Variants in DSG3 observed in about 807,000 individuals in gnomAD.
DSG3 encodes the protein desmoglein 3.
DSG3 carries 63 observed loss-of-function variants against 85.9 expected under a neutral mutation model. The ratio of observed to expected loss-of-function variants is 0.73; its 90% CI spans 0.60 to 0.90. The LOEUF (loss-of-function observed/expected upper bound fraction) is 0.90. DSG3 is among the 40% of genes least tolerant of loss of function. The pLI, the probability that DSG3 is intolerant of heterozygous loss-of-function variation, is 0.00. For missense variants in DSG3, 1,220 were observed against 1,219.9 expected, an observed-to-expected ratio of 1.00 and a Z score of 0.00; for synonymous variants, 447 against 441.9, an observed-to-expected ratio of 1.01 and a Z score of -0.14.
intron 3 of DSG3, 64 bp from the exon 4 acceptor site, chr18:31,458,381 G>C (rs2072762241): frequency 6.6e-7 from 1 of 1,517,120 alleles, no homozygotes; most frequent in Non-Finnish European, 9.0e-7. Context: ...CTATGGAAGT[G>C]GGGGTGGAGA....
At position 31,461,284 on chromosome 18, in the gene DSG3, A is replaced by G. The variant is rs1396435888; in HGVS notation, c.871A>G (p.Thr291Ala). ...LSSELLRFQVTDLDEEYTDNW... is the reference protein window; with the variant it reads ...LSSELLRFQVADLDEEYTDNW... ...TTCTGAATTACTTCGATTTCAAGTA[A>G]CAGATTTGGATGAAGAGTACACAGA... The change falls in exon 8 of 16, where the codon ACA becomes GCA. Residue 291 changes from threonine (T) to alanine (A), a missense_variant. Thr to Ala is a moderately conservative substitution (Grantham distance 58). Coordinates refer to ENST00000257189, the MANE Select transcript of DSG3 (RefSeq NM_001944.3). The G allele has an allele frequency of 2.5e-6, 4 of 1,613,516 alleles. No homozygotes were observed. In the African/African-American group the frequency reaches 5.3e-5, roughly 22 times the overall value.
intron 11 of DSG3, 102 bp downstream of exon 11, chr18:31,466,856 G>A (rs1264873479): frequency 9.8e-7 from 1 of 1,020,568 alleles, no homozygotes; most frequent in African/African-American, 1.6e-5. Flanking sequence ...AAAAGTAACT[G>A]GAAAAATTCT....
intron 1 of DSG3, among the ~76,000 whole-genome samples, chr18:31,455,242 C>T (rs2072735063): frequency 6.6e-6 from 1 of 151,838 alleles, no homozygotes; most frequent in Non-Finnish European, 1.5e-5. Context: ...CTAGGAGTAG[C>T]AGCTGATACC....
intron 1 of DSG3, among the ~76,000 whole-genome samples, chr18:31,454,419 A>G (rs776149384): frequency 8.5e-5 from 13 of 152,202 alleles, no homozygotes; most frequent in Non-Finnish European, 1.6e-4. Flanking sequence ...TTATAACCAC[A>G]AGTAATGGTT....
Position 31,464,528 on chromosome 18 carries a change from T to A in DSG3, c.1271+146T>A, listed in dbSNP as rs148286851. 3.5e-4 allele frequency: 296 copies of A among 847,584 alleles called. 2 individuals are homozygous for A. The East Asian group carries it at 6.6e-3, about 19-fold the overall frequency. 52.5% of individuals were successfully genotyped at this position (847,584 alleles called of 1,614,324 possible). ...AAACTGGGTAACTCAAAAAGTAACA[T>A]TTAGCTAAATCATTAGGTGATCATC... is the stretch of plus-strand genomic sequence containing the variant. On this transcript the variant is annotated intron_variant, in intron 9 of 15. Coordinates refer to ENST00000257189, the MANE Select transcript of DSG3 (RefSeq NM_001944.3).
chr18:31,456,376 C>A (rs1004871031), intron 1 of DSG3, 64 bp from the exon 2 acceptor site: 2 of 972,270 alleles, frequency 2.1e-6, no homozygotes, highest in Non-Finnish European at 2.8e-6. Flanking sequence ...CAGGATTATT[C>A]ATTGTATATA....
intron 1 of DSG3, among the ~76,000 whole-genome samples, chr18:31,449,134 T>C (rs1390143181): frequency 6.6e-6 from 1 of 152,176 alleles, no homozygotes; most frequent in East Asian, 1.9e-4. Flanking sequence ...CTAGCCTCAA[T>C]GGATCCGTCC....
At chr18:31,453,856 C>A (rs962467122) in intron 1 of DSG3, among the ~76,000 whole-genome samples, 2 of 151,950 alleles carry the variant, frequency 1.3e-5, no homozygotes, top group African/African-American at 4.8e-5. Flanking sequence ...TTGATTTAGT[C>A]ATTCCACAGT....
chr18:31,476,852 G>C lies in DSG3; in HGVS notation c.*592G>C, dbSNP rs1039523124. ...CGGGCGCCTGTAGTCCCAGCTACTC[G>C]GGAGGCTGAGGCAGGAGAATGGCAT... On this transcript the variant is annotated 3_prime_UTR_variant, in exon 16 of 16. Coordinates refer to ENST00000257189, the MANE Select transcript of DSG3 (RefSeq NM_001944.3). The C allele has an allele frequency of 6.6e-6, 1 of 151,940 alleles. No individual in the cohort carries two copies. The highest frequency in any genetic ancestry group is 6.6e-5 in the Admixed American group (1 of 15,256). 9.4% of individuals were successfully genotyped at this position (151,940 alleles called of 1,614,324 possible).
intron 8 of DSG3, among the ~76,000 whole-genome samples, chr18:31,463,699 A>G (rs1157084895): frequency 6.6e-6 from 1 of 152,174 alleles, no homozygotes; most frequent in Non-Finnish European, 1.5e-5. Flanking sequence ...TTCAGTCCTC[A>G]CTACACCCTG....
At chr18:31,464,455 A>C (rs2072804789) in intron 9 of DSG3, 73 bp downstream of exon 9, 1 of 1,445,598 alleles carries the variant, frequency 6.9e-7, no homozygotes, top group African/African-American at 1.4e-5. Flanking sequence ...CATAACACAT[A>C]AACTATTATG....
At chr18:31,461,891 G>C (rs954722405) in intron 8 of DSG3, among the ~76,000 whole-genome samples, 2 of 152,166 alleles carry the variant, frequency 1.3e-5, no homozygotes, top group African/African-American at 4.8e-5. Flanking sequence ...GGGAATTTAT[G>C]AACAAAATCT....
At position 31,475,997 on chromosome 18, in the gene DSG3, T is replaced by C; in HGVS notation, c.2737T>C (p.Ser913Pro). The change falls in exon 16 of 16, where the codon TCT becomes CCT. Residue 913 changes from serine (S) to proline (P), a missense_variant. Coordinates refer to ENST00000257189, the MANE Select transcript of DSG3 (RefSeq NM_001944.3). ...GSQGASALST[S>P]GSVQPAVSIP... ...TCAAGGAGCTTCTGCTTTGTCCACCTCTGGGTCTGTCCAGCCAGCTGTTTC... is the reference window on the plus strand; with the variant it reads ...TCAAGGAGCTTCTGCTTTGTCCACCCCTGGGTCTGTCCAGCCAGCTGTTTC... The C allele has an allele frequency of 6.2e-7, 1 of 1,614,206 alleles. No individual in the cohort carries two copies. The highest frequency in any genetic ancestry group is 8.5e-7 in the Non-Finnish European group (1 of 1,180,018).
intron 8 of DSG3, among the ~76,000 whole-genome samples, chr18:31,463,273 A>C (rs1055837468): frequency 1.3e-5 from 2 of 152,204 alleles, no homozygotes; most frequent in African/African-American, 4.8e-5. Context: ...CTTGTATTAT[A>C]GTTCCATGTT....
At chr18:31,458,946 A>G (rs556044793) in intron 4 of DSG3, 87 bp from the exon 5 acceptor site, 865 of 1,464,798 alleles carry the variant, frequency 5.9e-4, no homozygotes, top group Non-Finnish European at 7.7e-4. Context: ...AGTGATGTCC[A>G]TGCCAACAGA....
intron 1 of DSG3, among the ~76,000 whole-genome samples, chr18:31,452,772 A>G (rs1485283334): frequency 6.6e-6 from 1 of 152,162 alleles, no homozygotes; most frequent in Non-Finnish European, 1.5e-5. Flanking sequence ...ATATGCTAGT[A>G]CATGGTTGGG....
chr18:31,474,232 C>T lies in DSG3; in HGVS notation c.2213C>T (p.Ala738Val). ...GAATCTGGAGGTGCTGCAGGCTTTG[C>T]AACAGGGACAGTGTCAGGAGCTGCT... Reference protein sequence around the residue: ...ATESGGAAGFATGTVSGAASG... With the variant: ...ATESGGAAGFVTGTVSGAASG... Residue 738 changes from alanine to valine, a missense_variant, in exon 15 of 16, where the codon GCA (alanine) becomes GTA (valine). Transcript: ENST00000257189. 6.2e-7 allele frequency: 1 copy of T among 1,614,132 alleles called. No homozygotes were observed. Among genetic ancestry groups the T allele is most frequent in the Non-Finnish European group, 8.5e-7 (1 of 1,180,022 alleles).
At chr18:31,448,244 C>T (rs970275239) in intron 1 of DSG3, among the ~76,000 whole-genome samples, 2 of 152,096 alleles carry the variant, frequency 1.3e-5, no homozygotes, top group Non-Finnish European at 2.9e-5. Flanking sequence ...TATGCTTTTA[C>T]TAGTTTTTCT....
Position 31,478,663 on chromosome 18 carries a change from TATA to T in DSG3, c.*2408_*2410del, listed in dbSNP as rs1240261752. The T allele has an allele frequency of 6.6e-6, 1 of 152,232 alleles. No homozygotes were observed. The highest frequency in any genetic ancestry group is 1.9e-4 in the East Asian group (1 of 5,204). The allele number at this position is 152,232 out of a possible 1,614,324, so 9.4% of individuals were successfully genotyped here. A position where few individuals can be genotyped will look rare whatever the true frequency, so the allele number is the denominator to read the frequency against. ...TAAACCATAAACAGTATAATGTTGT[TATA>T]ATAAAACAGGCAATAAATTTATAAA... On this transcript the variant is annotated 3_prime_UTR_variant, in exon 16 of 16. Transcript: ENST00000257189.
Sources: gnomAD v4.1 joint callset for allele counts (sites outside exome capture counted in the v4.1 genomes callset) on GRCh38, gnomAD v4.1.1 for gene constraint, MANE v1.5 for transcripts, NCBI Gene and HGNC (gene_info 2026-07-23, HGNC 2026-07-21) for gene names.